Variants in KDM4C observed in about 807,000 individuals in gnomAD.
KDM4C encodes the protein lysine demethylase 4C.
Under a neutral mutation model 129.3 loss-of-function variants are expected in KDM4C, and 81 were observed. That is an observed-to-expected ratio of 0.63 (90% confidence interval 0.52 to 0.75). The LOEUF (loss-of-function observed/expected upper bound fraction) is 0.75. KDM4C is among the 30% of genes least tolerant of loss of function. The pLI is 0.00. For missense variants in KDM4C, 1,457 were observed against 1,304.0 expected, an observed-to-expected ratio of 1.12 and a Z score of -1.81; for synonymous variants, 573 against 456.1, an observed-to-expected ratio of 1.26 and a Z score of -3.26.
rs1008236920 is a variant in KDM4C at position 6,730,943 on chromosome 9, CTATT to C, written c.49+9949_49+9952del. Among the ~76,000 whole-genome samples, 7 of 152,250 alleles carry C rather than the reference CTATT, an allele frequency of 4.6e-5. No homozygotes were observed. In the South Asian group the frequency reaches 1.5e-3, roughly 32 times the overall value. On this transcript the variant is annotated intron_variant, in intron 1 of 17. Coordinates refer to the KDM4C transcript ENST00000536108. ...TAATTTAGTTTTCAATCTTGTGTAC[CTATT>C]TAGTTAGGTTGCAGCTTGACCAAAA...
chr9:6,955,643 C>G (rs539250015), intron 8 of KDM4C, among the ~76,000 whole-genome samples: 2 of 152,270 alleles, frequency 1.3e-5, no homozygotes, highest in African/African-American at 4.8e-5. Context: ...ACGTTTGGCG[C>G]TTGAAATTTT....
intron 19 of KDM4C, among the ~76,000 whole-genome samples, chr9:7,140,501 T>A (rs1455316952): frequency 6.6e-6 from 1 of 152,202 alleles, no homozygotes; most frequent in Admixed American, 6.5e-5. Context: ...AGTTGGGGAC[T>A]CATAAAGATG....
intron 19 of KDM4C, among the ~76,000 whole-genome samples, chr9:7,135,816 T>A (rs764797264): frequency 6.6e-6 from 1 of 152,210 alleles, no homozygotes; most frequent in Non-Finnish European, 1.5e-5. Context: ...TGAGGTGCTC[T>A]GGAGTTTTGG....
chr9:7,059,378 C>T (rs1831302369), intron 17 of KDM4C, among the ~76,000 whole-genome samples: 2 of 152,188 alleles, frequency 1.3e-5, no homozygotes, highest in South Asian at 2.1e-4. Context: ...GCTGGGATTA[C>T]AGGACTAAGC....
At chr9:6,892,774 A>G (rs1260444651) in intron 7 of KDM4C, among the ~76,000 whole-genome samples, 1 of 152,244 alleles carries the variant, frequency 6.6e-6, no homozygotes, top group Non-Finnish European at 1.5e-5. Context: ...ATATAAGAAT[A>G]TATAGCTTGA....
At chr9:6,957,489 C>A (rs1321842505) in intron 8 of KDM4C, among the ~76,000 whole-genome samples, 1 of 152,110 alleles carries the variant, frequency 6.6e-6, no homozygotes, top group Admixed American at 6.6e-5. Flanking sequence ...GTTAATACCA[C>A]CATGATATTA....
chr9:7,000,773 C>T (rs1321279570), intron 12 of KDM4C, among the ~76,000 whole-genome samples: 4 of 152,020 alleles, frequency 2.6e-5, no homozygotes, highest in Non-Finnish European at 4.4e-5. Context: ...ATGTCTCAGC[C>T]TTATAGACCA....
intron 8 of KDM4C, among the ~76,000 whole-genome samples, chr9:6,930,578 C>T (rs1177670847): frequency 6.8e-6 from 1 of 147,440 alleles, no homozygotes; most frequent in South Asian, 2.1e-4. Flanking sequence ...TTATCTATAA[C>T]ATGTTATATA....
At chr9:7,121,538 A>C (rs769251909) in intron 18 of KDM4C, among the ~76,000 whole-genome samples, 1 of 152,212 alleles carries the variant, frequency 6.6e-6, no homozygotes, top group African/African-American at 2.4e-5. Flanking sequence ...GAGGATCTAC[A>C]AAGTCGTATG....
At chr9:7,144,312 A>T (rs4546713) in intron 19 of KDM4C, among the ~76,000 whole-genome samples, 35,751 of 151,734 alleles carry the variant, frequency 0.24, 4,256 homozygotes, top group Middle Eastern at 0.37. Context: ...ATATTTTCTG[A>T]CAAATCATAT....
chr9:6,879,873 T>A (rs1844170832), intron 5 of KDM4C, 139 bp from the exon 6 acceptor site: 2 of 448,802 alleles, frequency 4.5e-6, no homozygotes, highest in African/African-American at 4.0e-5. Context: ...GTGATTGGCT[T>A]TCTAATCTCT....
chr9:6,790,200 G>A (rs867519471), intron 1 of KDM4C, among the ~76,000 whole-genome samples: 207 of 151,502 alleles, frequency 1.4e-3, no homozygotes, highest in African/African-American at 4.2e-3. Context: ...CACCGCGCCT[G>A]GCCAAACTTT....
At chr9:6,808,518 C>G (rs1323022329) in intron 3 of KDM4C, among the ~76,000 whole-genome samples, 1 of 145,910 alleles carries the variant, frequency 6.9e-6, no homozygotes, top group Non-Finnish European at 1.5e-5. Context: ...GAGTCATTAC[C>G]AATCCCTAAT....
intron 19 of KDM4C, among the ~76,000 whole-genome samples, chr9:7,144,165 G>A (rs1256261298): frequency 2.7e-5 from 4 of 150,702 alleles, no homozygotes; most frequent in Non-Finnish European, 5.9e-5. Flanking sequence ...TGTCCAGACT[G>A]GTCTCAAACT....
At chr9:6,960,282 ATT>A (rs34061929) in intron 8 of KDM4C, among the ~76,000 whole-genome samples, 10 of 143,230 alleles carry the variant, frequency 7.0e-5, no homozygotes, top group Admixed American at 1.4e-4. Flanking sequence ...AATGTTTTTA[ATT>A]TTTTTTTTTT....
At chr9:7,013,711 G>T in intron 13 of KDM4C, 77 bp from the exon 14 acceptor site, 1 of 1,347,080 alleles carries the variant, frequency 7.4e-7, no homozygotes, top group Non-Finnish European at 1.0e-6. Flanking sequence ...TGGAACAGGA[G>T]TTAGTGGATT....
At chr9:6,864,538 T>C (rs1391471684) in intron 5 of KDM4C, among the ~76,000 whole-genome samples, 1 of 151,852 alleles carries the variant, frequency 6.6e-6, no homozygotes, top group Non-Finnish European at 1.5e-5. Flanking sequence ...TGGTGTGATC[T>C]CGGCTCACAG....
At chr9:7,004,403 A>G (rs59214176) in intron 12 of KDM4C, among the ~76,000 whole-genome samples, 3,302 of 152,306 alleles carry the variant, frequency 0.022, 119 homozygotes, top group African/African-American at 0.076. Context: ...AAGCCTCTTT[A>G]TTCCAGACAT....
chr9:6,909,347 A>T (rs1258011799), intron 8 of KDM4C, among the ~76,000 whole-genome samples: 1 of 152,180 alleles, frequency 6.6e-6, no homozygotes, highest in Non-Finnish European at 1.5e-5. Context: ...CTCTTACTGG[A>T]CCCAAAAGGC....
Sources: gnomAD v4.1 joint callset for allele counts (sites outside exome capture counted in the v4.1 genomes callset) on GRCh38, gnomAD v4.1.1 for gene constraint, MANE v1.5 for transcripts, NCBI Gene and HGNC (gene_info 2026-07-23, HGNC 2026-07-21) for gene names.